Variants in ROBO2 observed in about 807,000 individuals in gnomAD.
The protein encoded by ROBO2 is roundabout homolog 2.
In ROBO2, 53 loss-of-function variants were observed where a neutral mutation model predicts 160.8. The ratio of observed to expected loss-of-function variants is 0.33; its 90% CI spans 0.26 to 0.41. ROBO2 has a LOEUF of 0.41. Among genes scored for constraint, ROBO2 ranks in the 10% least tolerant of loss-of-function variants. ROBO2 has a pLI of 1.00. For missense variants in ROBO2, 1,577 were observed against 1,722.4 expected (o/e 0.92, Z 1.49); for synonymous variants, 664 against 611.7 (o/e 1.09, Z -1.26).
At chr3:76,800,557 G>T (rs1476825907) in intron 2 of ROBO2, among the ~76,000 whole-genome samples, 1 of 152,124 alleles carries the variant, frequency 6.6e-6, no homozygotes, top group African/African-American at 2.4e-5. Flanking sequence ...TAAAAATAGG[G>T]AAAGGATCTG....
At chr3:76,663,989 G>T (rs745633533) in intron 2 of ROBO2, among the ~76,000 whole-genome samples, 1 of 152,096 alleles carries the variant, frequency 6.6e-6, no homozygotes, top group East Asian at 1.9e-4. Flanking sequence ...GTGGAGAAAG[G>T]GGGCAAAAGG....
intron 2 of ROBO2, among the ~76,000 whole-genome samples, chr3:76,442,408 A>G (rs1201030642): frequency 6.6e-6 from 1 of 152,164 alleles, no homozygotes; most frequent in Middle Eastern, 3.2e-3. Context: ...AAGTGGAAAG[A>G]GAGCAGAGCA....
At chr3:77,238,134 C>T (rs1186655630) in intron 2 of ROBO2, among the ~76,000 whole-genome samples, 3 of 152,052 alleles carry the variant, frequency 2.0e-5, no homozygotes, top group Non-Finnish European at 4.4e-5. Flanking sequence ...GCATAACAGT[C>T]CTTTATCTAG....
chr3:77,545,335 A>G (rs1367189448), intron 6 of ROBO2, among the ~76,000 whole-genome samples: 2 of 152,058 alleles, frequency 1.3e-5, no homozygotes. Context: ...ACTTTGCTCC[A>G]TAATCTCCTT....
chr3:76,460,023 G>T (rs373385000), intron 2 of ROBO2, among the ~76,000 whole-genome samples: 3 of 152,008 alleles, frequency 2.0e-5, no homozygotes, highest in South Asian at 2.1e-4. Context: ...GCTTAGAAAA[G>T]ATATCTTTAT....
chr3:75,921,373 G>T (rs546928787), intron 1 of ROBO2, among the ~76,000 whole-genome samples: 23 of 149,366 alleles, frequency 1.5e-4, no homozygotes, highest in Admixed American at 4.7e-4. Context: ...CACACACATT[G>T]CATACTTTCA....
chr3:76,406,172 AT>A (rs1440047410), intron 2 of ROBO2, among the ~76,000 whole-genome samples: 3 of 151,752 alleles, frequency 2.0e-5, no homozygotes, highest in Admixed American at 6.6e-5. Flanking sequence ...TACAGCATTA[AT>A]TTTCCCTTTA....
chr3:76,518,296 A>G (rs2081436176), intron 2 of ROBO2, among the ~76,000 whole-genome samples: 1 of 151,634 alleles, frequency 6.6e-6, no homozygotes, highest in Non-Finnish European at 1.5e-5. Context: ...TTTTTTTAGA[A>G]TTTTTTTTCT....
chr3:77,207,740 T>C (rs898061370), intron 2 of ROBO2, among the ~76,000 whole-genome samples: 2 of 152,220 alleles, frequency 1.3e-5, no homozygotes, highest in Non-Finnish European at 2.9e-5. Context: ...GCTTTTAGTG[T>C]GCAGCAGTTT....
chr3:76,568,497 G>A (rs1490248067), intron 2 of ROBO2, among the ~76,000 whole-genome samples: 3 of 150,924 alleles, frequency 2.0e-5, no homozygotes, highest in Non-Finnish European at 3.0e-5. Context: ...TAGTAGAGAC[G>A]GGGTTTCACC....
chr3:77,445,762 G>A (rs2080413599), intron 2 of ROBO2, among the ~76,000 whole-genome samples: 1 of 145,694 alleles, frequency 6.9e-6, no homozygotes, highest in Non-Finnish European at 1.5e-5. Context: ...AAAGGTACCA[G>A]TTGCTTTTAA....
chr3:77,530,414 G>T (rs1158726725), intron 6 of ROBO2, among the ~76,000 whole-genome samples: 1 of 151,862 alleles, frequency 6.6e-6, no homozygotes, highest in African/African-American at 2.4e-5. Context: ...TGAGAATTTT[G>T]TCTAAATGGA....
chr3:76,726,383 C>A (rs554059604), intron 2 of ROBO2, among the ~76,000 whole-genome samples: 3 of 152,266 alleles, frequency 2.0e-5, no homozygotes, highest in African/African-American at 4.8e-5. Flanking sequence ...ATTGTTAACA[C>A]TTTGCCCTCC....
intron 2 of ROBO2, among the ~76,000 whole-genome samples, chr3:77,188,339 G>A (rs1325559169): frequency 6.7e-6 from 1 of 148,558 alleles, no homozygotes; most frequent in Non-Finnish European, 1.5e-5. Context: ...TAGTCAAACA[G>A]AGCTACCTTT....
At chr3:76,492,594 C>T (rs2079896670) in intron 2 of ROBO2, among the ~76,000 whole-genome samples, 2 of 151,878 alleles carry the variant, frequency 1.3e-5, no homozygotes, top group African/African-American at 4.8e-5. Flanking sequence ...ATAATCAACT[C>T]AGTTCCTTTG....
At chr3:76,642,403 A>G (rs1036734807) in intron 2 of ROBO2, among the ~76,000 whole-genome samples, 5 of 115,736 alleles carry the variant, frequency 4.3e-5, no homozygotes, top group African/African-American at 1.4e-4. Context: ...CCCAGGCTGG[A>G]GTGTAATGGC....
intron 2 of ROBO2, among the ~76,000 whole-genome samples, chr3:76,663,830 G>A (rs112319378): frequency 0.029 from 4,361 of 152,140 alleles, 205 homozygotes; most frequent in African/African-American, 0.097. Flanking sequence ...CTTGAACCCG[G>A]GAGGCGGAGG....
intron 2 of ROBO2, among the ~76,000 whole-genome samples, chr3:76,816,170 T>C (rs2065647926): frequency 6.6e-6 from 1 of 152,076 alleles, no homozygotes. Flanking sequence ...GGTGAACAAG[T>C]GCTGAGTAAT....
intron 2 of ROBO2, among the ~76,000 whole-genome samples, chr3:76,842,137 A>G (rs1212056896): frequency 6.6e-6 from 1 of 152,218 alleles, no homozygotes; most frequent in East Asian, 1.9e-4. Flanking sequence ...GACACGATGG[A>G]AAACACTGCA....
Sources: allele counts gnomAD v4.1 joint callset (sites outside exome capture counted in the v4.1 genomes callset), GRCh38; gene constraint gnomAD v4.1.1; transcripts MANE v1.5; gene names NCBI Gene and HGNC (gene_info 2026-07-23, HGNC 2026-07-21).